Variants in NRXN3 observed in about 807,000 individuals in gnomAD.
NRXN3 encodes the protein neurexin III.
Under a neutral mutation model 137.6 loss-of-function variants are expected in NRXN3, and 32 were observed. The ratio of observed to expected loss-of-function variants is 0.23; its 90% CI spans 0.18 to 0.31. The LOEUF (loss-of-function observed/expected upper bound fraction) is 0.31. Ranked by LOEUF, NRXN3 falls within the 10% of genes least tolerant of loss-of-function variation. The pLI, the probability that NRXN3 is intolerant of heterozygous loss-of-function variation, is 1.00. For synonymous variants in NRXN3, 798 were observed against 784.5 expected, an observed-to-expected ratio of 1.02 and a Z score of -0.29; for missense variants, 1,574 against 2,062.5, an observed-to-expected ratio of 0.76 and a Z score of 4.59.
chr14:79,134,357 A>G (rs2127452), intron 15 of NRXN3, among the ~76,000 whole-genome samples: 2,689 of 152,326 alleles, frequency 0.018, 76 homozygotes, highest in African/African-American at 0.062. Context: ...ATGATTCTCA[A>G]TTAGGAAACT....
chr14:79,778,279 G>A (rs1453051592), intron 19 of NRXN3, among the ~76,000 whole-genome samples: 1 of 152,152 alleles, frequency 6.6e-6, no homozygotes, highest in Non-Finnish European at 1.5e-5. Flanking sequence ...CACTGGGCAT[G>A]GTGGTGCGCG....
intron 4 of NRXN3, among the ~76,000 whole-genome samples, chr14:78,350,304 A>G (rs761758252): frequency 6.5e-4 from 96 of 147,684 alleles, no homozygotes; most frequent in Non-Finnish European, 7.4e-4. Context: ...AAAAAAAAAA[A>G]TTGTTAGAAA....
intron 4 of NRXN3, among the ~76,000 whole-genome samples, chr14:78,363,001 T>C (rs2085360248): frequency 6.6e-6 from 1 of 152,178 alleles, no homozygotes; most frequent in Non-Finnish European, 1.5e-5. Context: ...GAGTCCTCTT[T>C]GTTGATAAAG....
chr14:78,268,166 CT>C (rs2072105085), intron 2 of NRXN3, among the ~76,000 whole-genome samples: 1 of 152,114 alleles, frequency 6.6e-6, no homozygotes, highest in African/African-American at 2.4e-5. Context: ...ACTATATCTC[CT>C]TTTGGACTCC....
chr14:78,994,607 G>C (rs1424034845), intron 15 of NRXN3, among the ~76,000 whole-genome samples: 1 of 152,138 alleles, frequency 6.6e-6, no homozygotes, highest in Admixed American at 6.5e-5. Context: ...GATTTGTAAT[G>C]TGTATAACTT....
At chr14:78,787,191 G>C (rs754411187) in intron 8 of NRXN3, among the ~76,000 whole-genome samples, 1 of 152,100 alleles carries the variant, frequency 6.6e-6, no homozygotes, top group Non-Finnish European at 1.5e-5. Context: ...TAGAATTGAG[G>C]TTTGTTGAAC....
At chr14:78,607,100 C>T (rs1376043320) in intron 4 of NRXN3, among the ~76,000 whole-genome samples, 1 of 152,098 alleles carries the variant, frequency 6.6e-6, no homozygotes, top group Non-Finnish European at 1.5e-5. Flanking sequence ...TGTAAGCAGC[C>T]TTTGATAAGT....
At chr14:78,829,506 A>G (rs2098975956) in intron 10 of NRXN3, among the ~76,000 whole-genome samples, 1 of 152,088 alleles carries the variant, frequency 6.6e-6, no homozygotes, top group South Asian at 2.1e-4. Context: ...TTCAATTGCT[A>G]AATCGGGTAA....
chr14:79,120,141 A>G (rs1401724990), intron 15 of NRXN3, among the ~76,000 whole-genome samples: 2 of 152,018 alleles, frequency 1.3e-5, no homozygotes, highest in Admixed American at 1.3e-4. Context: ...GGCCAGCGAG[A>G]TCTCTTTTAA....
At chr14:78,749,054 T>C (rs2098628483) in intron 8 of NRXN3, among the ~76,000 whole-genome samples, 2 of 152,104 alleles carry the variant, frequency 1.3e-5, no homozygotes, top group Admixed American at 1.3e-4. Flanking sequence ...AAACATCAAA[T>C]AAGAGAGTCT....
intron 4 of NRXN3, among the ~76,000 whole-genome samples, chr14:78,574,572 G>C (rs1186241454): frequency 6.6e-6 from 1 of 152,198 alleles, no homozygotes; most frequent in Non-Finnish European, 1.5e-5. Context: ...GCTGGATTTT[G>C]GACTTGCATG....
At chr14:79,100,960 G>T (rs1221851896) in intron 15 of NRXN3, among the ~76,000 whole-genome samples, 2 of 152,142 alleles carry the variant, frequency 1.3e-5, no homozygotes, top group Admixed American at 1.3e-4. Context: ...TGAAACAGAA[G>T]CTCTACTACT....
At chr14:78,515,172 C>T (rs1335049981) in intron 4 of NRXN3, among the ~76,000 whole-genome samples, 4 of 152,106 alleles carry the variant, frequency 2.6e-5, no homozygotes, top group Admixed American at 6.6e-5. Context: ...AGAGAACACT[C>T]ACCAGGGGAA....
intron 20 of NRXN3, among the ~76,000 whole-genome samples, chr14:79,818,157 C>T (rs977634851): frequency 6.6e-6 from 1 of 151,012 alleles, no homozygotes; most frequent in Non-Finnish European, 1.5e-5. Flanking sequence ...GGGTTCACGC[C>T]ATTCTCCTGC....
chr14:78,711,170 G>A (rs1022040462), intron 7 of NRXN3, among the ~76,000 whole-genome samples: 8 of 151,658 alleles, frequency 5.3e-5, no homozygotes, highest in Non-Finnish European at 8.8e-5. Flanking sequence ...CACGGTGGAC[G>A]GGTTTTGTGT....
chr14:79,448,794 T>C (rs1159018852), intron 15 of NRXN3, among the ~76,000 whole-genome samples: 1 of 152,192 alleles, frequency 6.6e-6, no homozygotes, highest in Non-Finnish European at 1.5e-5. Context: ...CATTTATGTA[T>C]GTATTATGTG....
At chr14:79,012,816 G>C (rs186193312) in intron 15 of NRXN3, among the ~76,000 whole-genome samples, 96 of 152,176 alleles carry the variant, frequency 6.3e-4, no homozygotes, top group South Asian at 3.3e-3. Context: ...TGAGATCCTT[G>C]GTATAATTAA....
At chr14:78,456,787 C>CTCACTCTT (rs2094716992) in intron 4 of NRXN3, among the ~76,000 whole-genome samples, 2 of 136,416 alleles carry the variant, frequency 1.5e-5, no homozygotes, top group African/African-American at 5.4e-5. Context: ...TTCCCTTTCT[C>CTCACTCTT]TCTCTCTTTC....
At chr14:78,661,551 G>T (rs545288571) in intron 6 of NRXN3, among the ~76,000 whole-genome samples, 2 of 152,330 alleles carry the variant, frequency 1.3e-5, no homozygotes, top group South Asian at 4.1e-4. Context: ...TGTTAACTTT[G>T]TGGATGGCAG....
Sources: allele counts gnomAD v4.1 joint callset (sites outside exome capture counted in the v4.1 genomes callset), GRCh38; gene constraint gnomAD v4.1.1; transcripts MANE v1.5; gene names NCBI Gene and HGNC (gene_info 2026-07-23, HGNC 2026-07-21).